Variants in TMEM236 observed in about 807,000 individuals in gnomAD.
The protein encoded by TMEM236 is family with sequence similarity 23, member A.
A neutral mutation model predicts 14.7 loss-of-function variants in TMEM236; 11 were observed. The observed-to-expected ratio is 0.75, with a 90% CI of 0.47 to 1.24. The LOEUF (loss-of-function observed/expected upper bound fraction) is 1.24, where lower values mean the gene tolerates loss of function less well. TMEM236 is among the 50% of genes most tolerant of loss of function. The pLI is 0.00. For missense variants in TMEM236, 464 were observed against 427.3 expected (o/e 1.09, Z -0.76); for synonymous variants, 182 against 168.6 (o/e 1.08, Z -0.62).
intron 3 of TMEM236, among the ~76,000 whole-genome samples, chr10:17,793,454 AT>A (rs1837960477): frequency 6.6e-6 from 1 of 152,146 alleles, no homozygotes; most frequent in South Asian, 2.1e-4. Flanking sequence ...TTATAAGGCA[AT>A]ATTTTCTATA....
At position 17,798,786 on chromosome 10, in the gene TMEM236, AG is replaced by A. The variant is rs1838054316; in HGVS notation, c.*2285del. 2.1e-6 allele frequency: 1 copy of A among 467,412 alleles called. No homozygotes were observed. The highest frequency in any genetic ancestry group is 1.6e-5 in the South Asian group (1 of 63,066). The allele number at this position is 467,412 out of a possible 1,614,324, so 29.0% of individuals were successfully genotyped here. On this transcript the variant is annotated 3_prime_UTR_variant, in exon 4 of 4. Transcript: ENST00000377495. ...CTAGTACTACATTAATAGGGTTAGG[AG>A]GGTTAAAGGGTAAAGAGTCCTTTGA...
At chr10:17,782,651 CG>C (rs1837772273) in intron 3 of TMEM236, among the ~76,000 whole-genome samples, 1 of 151,994 alleles carries the variant, frequency 6.6e-6, no homozygotes, top group Non-Finnish European at 1.5e-5. Flanking sequence ...GGGATTTCAC[CG>C]TGTTGGCCAG....
At chr10:17,784,444 C>G (rs1837801893) in intron 3 of TMEM236, among the ~76,000 whole-genome samples, 1 of 152,114 alleles carries the variant, frequency 6.6e-6, no homozygotes, top group Admixed American at 6.5e-5. Context: ...ATCAGGATCT[C>G]TGGGGATGGG....
intron 3 of TMEM236, among the ~76,000 whole-genome samples, chr10:17,793,867 T>C (rs1284179652): frequency 6.6e-6 from 1 of 152,198 alleles, no homozygotes; most frequent in African/African-American, 2.4e-5. Flanking sequence ...TTATGAATTT[T>C]AGAATAATAA....
At chr10:17,768,092 T>TTTTTTTTG in intron 1 of TMEM236, among the ~76,000 whole-genome samples, 1 of 121,528 alleles carries the variant, frequency 8.2e-6, no homozygotes, top group African/African-American at 3.1e-5. Flanking sequence ...TGTGGTTTTT[T>TTTTTTTTG]TTTTTTTTTT....
At chr10:17,788,009 C>T (rs1248531095) in intron 3 of TMEM236, among the ~76,000 whole-genome samples, 1 of 151,840 alleles carries the variant, frequency 6.6e-6, no homozygotes, top group African/African-American at 2.4e-5. Flanking sequence ...CTATATGCAC[C>T]TTGACATTCT....
Position 17,786,177 on chromosome 10 carries a change from G to T in TMEM236, c.473-9744G>T, listed in dbSNP as rs952933241. On this transcript the variant is annotated intron_variant, in intron 3 of 3. Transcript: ENST00000377495. ...ACTTTGGAAACAAATATTTCAGGGAGACTGATAGGAATAAGGGAATAAAAG... is the reference window on the plus strand; with the variant it reads ...ACTTTGGAAACAAATATTTCAGGGATACTGATAGGAATAAGGGAATAAAAG... 9.2e-5 allele frequency among the ~76,000 whole-genome samples: 14 copies of T among 152,148 alleles called. No individual in the cohort carries two copies. In the South Asian group the frequency reaches 2.9e-3, roughly 32 times the overall value.
chr10:17,767,125 T>G (rs1837479734), intron 1 of TMEM236, among the ~76,000 whole-genome samples: 1 of 152,144 alleles, frequency 6.6e-6, no homozygotes, highest in Non-Finnish European at 1.5e-5. Flanking sequence ...TTTCAACATA[T>G]CTTTTTGGGG....
At chr10:17,769,018 C>A (rs1837524346) in intron 1 of TMEM236, among the ~76,000 whole-genome samples, 1 of 152,166 alleles carries the variant, frequency 6.6e-6, no homozygotes, top group African/African-American at 2.4e-5. Flanking sequence ...ATCCACAAAA[C>A]TCTTTCATCT....
intron 1 of TMEM236, among the ~76,000 whole-genome samples, chr10:17,765,233 C>T (rs1407553320): frequency 2.6e-5 from 4 of 152,226 alleles, no homozygotes; most frequent in South Asian, 2.1e-4. Context: ...AGGTCACATT[C>T]GGAGGTACTG....
Position 17,795,962 on chromosome 10 carries a change from A to G in TMEM236, c.514A>G (p.Ile172Val). ...GHIHSTSLQH[I>V]KTVTEQVRQS... ...CATCCATTCAACCTCTTTGCAACAC[A>G]TAAAAACTGTGACGGAGCAAGTGAG... is the stretch of plus-strand genomic sequence containing the variant. Residue 172 changes from isoleucine to valine, a missense_variant, in exon 4 of 4, where the codon ATA becomes GTA. By Grantham distance (29) the Ile-to-Val change is conservative (BLOSUM62 3). Transcript: ENST00000377495. The G allele has an allele frequency of 1.2e-6, 2 of 1,613,950 alleles. No homozygotes were observed. The highest frequency in any genetic ancestry group is 1.7e-6 in the Non-Finnish European group (2 of 1,179,866).
intron 3 of TMEM236, among the ~76,000 whole-genome samples, chr10:17,793,386 A>G (rs2131768247): frequency 1.3e-5 from 2 of 152,380 alleles, no homozygotes; most frequent in Admixed American, 1.3e-4. Context: ...TGGGATTTTC[A>G]TTATGACAGT....
chr10:17,768,387 G>A (rs1357158558), intron 1 of TMEM236, among the ~76,000 whole-genome samples: 1 of 151,974 alleles, frequency 6.6e-6, no homozygotes, highest in Non-Finnish European at 1.5e-5. Context: ...ACCATAAACT[G>A]TATACAATTT....
intron 1 of TMEM236, among the ~76,000 whole-genome samples, chr10:17,769,757 G>T (rs1174828255): frequency 2.0e-5 from 3 of 152,170 alleles, no homozygotes; most frequent in Non-Finnish European, 1.5e-5. Context: ...TTACACCTAG[G>T]ACATCTAAGA....
At chr10:17,795,459 G>C (rs1009351929) in intron 3 of TMEM236, among the ~76,000 whole-genome samples, 1 of 152,066 alleles carries the variant, frequency 6.6e-6, no homozygotes, top group Non-Finnish European at 1.5e-5. Flanking sequence ...AAAGCGTATA[G>C]CTTAGAAACC....
intron 2 of TMEM236, among the ~76,000 whole-genome samples, chr10:17,774,097 T>G (rs1264401023): frequency 6.6e-6 from 1 of 152,132 alleles, no homozygotes; most frequent in Non-Finnish European, 1.5e-5. Context: ...CAGGCTGGAC[T>G]GCAGTGGTGC....
intron 3 of TMEM236, among the ~76,000 whole-genome samples, chr10:17,787,315 C>A (rs1054748415): frequency 1.3e-5 from 2 of 152,202 alleles, no homozygotes; most frequent in Admixed American, 6.5e-5. Context: ...TGAGCTAAGT[C>A]CCCTTAGTGT....
chr10:17,784,405 G>A (rs1837801226), intron 3 of TMEM236, among the ~76,000 whole-genome samples: 1 of 152,118 alleles, frequency 6.6e-6, no homozygotes, highest in African/African-American at 2.4e-5. Context: ...AAATATCAGT[G>A]CCAAGCACAG....
chr10:17,777,265 A>T (rs1837673403), intron 3 of TMEM236, among the ~76,000 whole-genome samples: 1 of 152,134 alleles, frequency 6.6e-6, no homozygotes, highest in South Asian at 2.1e-4. Flanking sequence ...ACGGTCTGTT[A>T]TGGCTAACAT....
Sources: gnomAD v4.1 joint callset for allele counts (sites outside exome capture counted in the v4.1 genomes callset) on GRCh38, gnomAD v4.1.1 for gene constraint, MANE v1.5 for transcripts, NCBI Gene and HGNC (gene_info 2026-07-23, HGNC 2026-07-21) for gene names.